The following AFAP1 variants were observed in gnomAD, a reference collection of about 807,000 sequenced individuals.
AFAP1 encodes the protein actin filament associated protein 1.
In AFAP1, 75 loss-of-function variants were observed where a neutral mutation model predicts 93.9. That is an observed-to-expected ratio of 0.80 (90% confidence interval 0.66 to 0.97). The LOEUF is 0.97. Ranked by LOEUF, AFAP1 falls within the 50% of genes least tolerant of loss-of-function variation. AFAP1 has a pLI of 0.00. For synonymous variants in AFAP1, 517 were observed against 430.7 expected (o/e 1.20, Z -2.48); for missense variants, 1,201 against 1,050.8 (o/e 1.14, Z -1.98).
chr4:7,861,834 G>A (rs903651981), intron 3 of AFAP1, among the ~76,000 whole-genome samples: 2 of 152,240 alleles, frequency 1.3e-5, no homozygotes, highest in South Asian at 4.1e-4. Context: ...CACATCTTAC[G>A]CCACAGGAAA....
At position 7,776,233 on chromosome 4, in the gene AFAP1, C is replaced by T. The variant is rs548024104; in HGVS notation, c.1898-1330G>A. ...CTTCAGGTAGAAGCCACAGGGGTGG[C>T]ATAATGATTAAGAATAAAAACACTG... is the stretch of plus-strand genomic sequence containing the variant. On this transcript the variant is annotated intron_variant, in intron 14 of 17. Transcript: ENST00000420658. 2.6e-5 allele frequency: 4 copies of T among 152,210 alleles called. No homozygotes were observed. The South Asian group carries it at 8.3e-4, about 32-fold the overall frequency. The allele number at this position is 152,210 out of a possible 1,614,324, so 9.4% of individuals were successfully genotyped here.
At chr4:7,862,317 A>T (rs988244525) in intron 3 of AFAP1, 1 of 150,612 alleles carries the variant, frequency 6.6e-6, no homozygotes, top group Non-Finnish European at 1.5e-5. Context: ...TAAGCAACAG[A>T]ATGAGACTCT....
Position 7,939,365 on chromosome 4 carries a change from C to G in AFAP1, c.-3+291G>C. 1 of 323,294 alleles carries G rather than the reference C, an allele frequency of 3.1e-6. No homozygotes were observed. The highest frequency in any genetic ancestry group is 6.2e-6 in the Non-Finnish European group (1 of 161,608). The allele number at this position is 323,294 out of a possible 1,614,324, so 20.0% of individuals were successfully genotyped here. On this transcript the variant is annotated intron_variant, in intron 1 of 17. Coordinates refer to ENST00000420658, the MANE Select transcript of AFAP1 (RefSeq NM_001134647.2). The surrounding 1 kb of genome is among the most constrained non-coding windows in gnomAD (Gnocchi z 5.6). ...CTGACGCACACGGGGACCAGCCACGCCGCGGGGGCACCGGGCAGGAGCCAG... is the reference window on the plus strand; with the variant it reads ...CTGACGCACACGGGGACCAGCCACGGCGCGGGGGCACCGGGCAGGAGCCAG...
intron 3 of AFAP1, among the ~76,000 whole-genome samples, chr4:7,862,915 CA>C (rs1715899440): frequency 6.6e-6 from 1 of 152,174 alleles, no homozygotes; most frequent in Non-Finnish European, 1.5e-5. Flanking sequence ...GGGGGAGCAG[CA>C]CAAACGGCGC....
At chr4:7,930,906 A>G (rs1442478554) in intron 1 of AFAP1, among the ~76,000 whole-genome samples, 1 of 152,192 alleles carries the variant, frequency 6.6e-6, no homozygotes, top group African/African-American at 2.4e-5. Context: ...GTGCAACACT[A>G]CAACCGACTA....
At chr4:7,905,930 G>C (rs537973331) in intron 1 of AFAP1, among the ~76,000 whole-genome samples, 89 of 152,296 alleles carry the variant, frequency 5.8e-4, no homozygotes, top group South Asian at 1.9e-3. Context: ...CTTCCGCAGG[G>C]GGACACGCAT....
At chr4:7,826,253 A>G (rs2149084396) in intron 6 of AFAP1, among the ~76,000 whole-genome samples, 1 of 152,364 alleles carries the variant, frequency 6.6e-6, no homozygotes, top group South Asian at 2.1e-4. Flanking sequence ...TTTACTGGGT[A>G]TGCAGGTACA....
chr4:7,937,509 C>A (rs1577374605), intron 1 of AFAP1, among the ~76,000 whole-genome samples: 1 of 152,142 alleles, frequency 6.6e-6, no homozygotes, highest in Non-Finnish European at 1.5e-5. Context: ...TATTTTGAGA[C>A]GAAGTCTTAC....
intron 1 of AFAP1, among the ~76,000 whole-genome samples, chr4:7,874,386 C>T (rs1457375042): frequency 1.1e-4 from 12 of 105,212 alleles, no homozygotes; most frequent in African/African-American, 4.9e-4. Flanking sequence ...TTTTTTGAGA[C>T]AGAGTCTTCC....
chr4:7,898,675 A>T (rs1560226146), intron 1 of AFAP1, among the ~76,000 whole-genome samples: 1 of 140,782 alleles, frequency 7.1e-6, no homozygotes, highest in South Asian at 2.3e-4. Context: ...AAAAAAAAAC[A>T]CTCTCTCCCT....
intron 1 of AFAP1, among the ~76,000 whole-genome samples, chr4:7,872,939 T>TTA (rs1491435545): frequency 7.3e-5 from 8 of 110,004 alleles, no homozygotes; most frequent in Non-Finnish European, 1.2e-4. Flanking sequence ...TTTTTTTTTT[T>TTA]AAAAAAAAAA....
chr4:7,769,600 G>GC (rs1299613746), intron 16 of AFAP1, among the ~76,000 whole-genome samples: 3 of 151,918 alleles, frequency 2.0e-5, no homozygotes, highest in Non-Finnish European at 2.9e-5. Context: ...AGCTGCCGAG[G>GC]CCCCCATTGC....
chr4:7,888,353 G>A (rs1280041171), intron 1 of AFAP1, among the ~76,000 whole-genome samples: 1 of 152,190 alleles, frequency 6.6e-6, no homozygotes, highest in Non-Finnish European at 1.5e-5. Flanking sequence ...TGCTCTGAAT[G>A]TGTGGCTAGG....
rs1721292727 is a variant in AFAP1, at chr4:7,824,893, T to C, written c.727-5722A>G. On this transcript the variant is annotated intron_variant, in intron 6 of 17. Coordinates refer to ENST00000420658, the MANE Select transcript of AFAP1 (RefSeq NM_001134647.2). ...CCTGAAATCTCTGATTTGACCACTA[T>C]GCAATCTATGAATATAAATTTATAC... Among the ~76,000 whole-genome samples, 3 of 152,196 alleles carry C rather than the reference T, an allele frequency of 2.0e-5. No homozygotes were observed. In the South Asian group the frequency reaches 6.2e-4, roughly 32 times the overall value.
At chr4:7,821,465 C>G (rs1367672963) in intron 6 of AFAP1, among the ~76,000 whole-genome samples, 1 of 152,158 alleles carries the variant, frequency 6.6e-6, no homozygotes, top group Non-Finnish European at 1.5e-5. Context: ...CAGCCGCCCC[C>G]TACATGCAGT....
intron 3 of AFAP1, among the ~76,000 whole-genome samples, 168 bp from the exon 4 acceptor site, chr4:7,855,742 C>G (rs1355782380): frequency 6.6e-6 from 1 of 152,186 alleles, no homozygotes; most frequent in African/African-American, 2.4e-5. Flanking sequence ...CCTGATGTGT[C>G]TCTCTTACTT....
At chr4:7,797,052 C>G (rs1473199988) in intron 10 of AFAP1, among the ~76,000 whole-genome samples, 2 of 119,004 alleles carry the variant, frequency 1.7e-5, no homozygotes, top group Non-Finnish European at 3.4e-5. Context: ...AGAGTGAGAC[C>G]TTGTCTCAAA....
At chr4:7,873,960 A>G (rs1560214404) in intron 1 of AFAP1, among the ~76,000 whole-genome samples, 1 of 152,236 alleles carries the variant, frequency 6.6e-6, no homozygotes, top group Non-Finnish European at 1.5e-5. Flanking sequence ...AAGTGAAAAA[A>G]TAATTTTTGA....
At chr4:7,900,062 A>G (rs183125782) in intron 1 of AFAP1, among the ~76,000 whole-genome samples, 20 of 152,344 alleles carry the variant, frequency 1.3e-4, no homozygotes, top group African/African-American at 4.8e-4. Context: ...TGCAAGGAGA[A>G]CATCCAACAT....
Sources: gnomAD v4.1 joint callset for allele counts (sites outside exome capture counted in the v4.1 genomes callset) on GRCh38, gnomAD v4.1.1 for gene constraint, Gnocchi (gnomAD v3.1) non-coding constraint, MANE v1.5 for transcripts, NCBI Gene and HGNC (gene_info 2026-07-23, HGNC 2026-07-21) for gene names.